Variants in FHIT observed in about 807,000 individuals in gnomAD.
FHIT encodes the protein bis(5'-adenosyl)-triphosphatase.
In FHIT, 19 loss-of-function variants were observed where a neutral mutation model predicts 17.9. The observed-to-expected ratio is 1.06, with a 90% CI of 0.74 to 1.56. The LOEUF is 1.56. Ranked by LOEUF, FHIT falls within the 40% of genes most tolerant of loss-of-function variation. The pLI is 0.00. For missense variants in FHIT, 248 were observed against 189.2 expected (o/e 1.31, Z -1.82); for synonymous variants, 81 against 69.7 (o/e 1.16, Z -0.81).
intron 3 of FHIT, among the ~76,000 whole-genome samples, chr3:60,945,666 T>A (rs1213335981): frequency 2.6e-5 from 4 of 152,166 alleles, no homozygotes; most frequent in Non-Finnish European, 5.9e-5. Flanking sequence ...TTACAGGGTT[T>A]ATACAGTTCA....
At chr3:60,202,170 T>C (rs1015729254) in intron 5 of FHIT, among the ~76,000 whole-genome samples, 9 of 152,230 alleles carry the variant, frequency 5.9e-5, no homozygotes, top group African/African-American at 2.2e-4. Context: ...AGTCAAGACT[T>C]CGTCACTAAT....
At chr3:60,133,149 A>G (rs1393418460) in intron 5 of FHIT, among the ~76,000 whole-genome samples, 1 of 152,098 alleles carries the variant, frequency 6.6e-6, no homozygotes, top group Non-Finnish European at 1.5e-5. Flanking sequence ...CGGCTCTTAA[A>G]ACCTTAGGCT....
At chr3:60,522,220 C>T (rs241665) in intron 5 of FHIT, among the ~76,000 whole-genome samples, 16,199 of 148,916 alleles carry the variant, frequency 0.11, 1,042 homozygotes, top group East Asian at 0.27. Context: ...AAGCAATTAT[C>T]GTGTCTCAGC....
intron 2 of FHIT, among the ~76,000 whole-genome samples, chr3:61,166,162 G>A (rs1472736203): frequency 6.8e-6 from 1 of 147,540 alleles, no homozygotes; most frequent in African/African-American, 2.4e-5. Flanking sequence ...TACTAACTTA[G>A]ATAGGTACAG....
chr3:60,022,568 A>T (rs765684737), intron 5 of FHIT, among the ~76,000 whole-genome samples: 2 of 152,194 alleles, frequency 1.3e-5, no homozygotes, highest in Non-Finnish European at 2.9e-5. Context: ...ATAGGTCAGC[A>T]GGGGCCTCTG....
At chr3:60,629,222 A>G (rs1443346891) in intron 4 of FHIT, among the ~76,000 whole-genome samples, 2 of 152,156 alleles carry the variant, frequency 1.3e-5, no homozygotes, top group Non-Finnish European at 2.9e-5. Flanking sequence ...AGGCAGCACC[A>G]TCTCTTTGGC....
At chr3:60,205,050 C>T (rs1703109043) in intron 5 of FHIT, among the ~76,000 whole-genome samples, 1 of 151,014 alleles carries the variant, frequency 6.6e-6, no homozygotes, top group East Asian at 2.0e-4. Context: ...GAGCCAATAT[C>T]GCGCCACTGC....
intron 3 of FHIT, among the ~76,000 whole-genome samples, chr3:60,861,173 C>CATATATATCATA (rs1326715427): frequency 1.7e-3 from 2 of 1,184 alleles, no homozygotes; most frequent in African/African-American, 2.8e-3. Flanking sequence ...ATCATATGTT[C>CATATATATCATA]TATGATATAT....
intron 5 of FHIT, among the ~76,000 whole-genome samples, chr3:60,420,667 C>G (rs1424566076): frequency 6.6e-6 from 1 of 152,098 alleles, no homozygotes; most frequent in Non-Finnish European, 1.5e-5. Context: ...CTCTGGCAAA[C>G]TGCTCATTCA....
At chr3:61,020,108 G>T (rs1364742814) in intron 3 of FHIT, among the ~76,000 whole-genome samples, 3 of 152,070 alleles carry the variant, frequency 2.0e-5, no homozygotes, top group Non-Finnish European at 4.4e-5. Flanking sequence ...TTGAGGAATT[G>T]CCACACAGTC....
chr3:60,439,366 C>A (rs973127682), intron 5 of FHIT, among the ~76,000 whole-genome samples: 1 of 152,122 alleles, frequency 6.6e-6, no homozygotes. Context: ...TTTCAATCAA[C>A]TGACAAACTA....
chr3:60,572,899 G>A (rs1559550364), intron 4 of FHIT, among the ~76,000 whole-genome samples: 1 of 152,146 alleles, frequency 6.6e-6, no homozygotes, highest in South Asian at 2.1e-4. Flanking sequence ...TCCCTGTACT[G>A]AGGCAACATG....
chr3:60,447,346 GT>G (rs1399326095), intron 5 of FHIT, among the ~76,000 whole-genome samples: 1 of 152,020 alleles, frequency 6.6e-6, no homozygotes, highest in Non-Finnish European at 1.5e-5. Context: ...AAGAAATAAT[GT>G]TTTTATTCTG....
At chr3:60,244,356 T>A (rs1040093386) in intron 5 of FHIT, among the ~76,000 whole-genome samples, 20 of 151,990 alleles carry the variant, frequency 1.3e-4, no homozygotes, top group Admixed American at 1.3e-3. Flanking sequence ...GTCACACAAT[T>A]GTCACTTTCT....
In FHIT at chr3:61,195,516, G is replaced by A. The variant is rs769337963; in HGVS notation, c.-164+5101C>T. On this transcript the variant is annotated intron_variant, in intron 2 of 9. Transcript: ENST00000492590. Reference sequence around the variant, plus strand: ...GTAATTACGGTAATGATAGGATATGGAACAGAAGTTCTCAAACCTGCTGAT... The same window carrying A: ...GTAATTACGGTAATGATAGGATATGAAACAGAAGTTCTCAAACCTGCTGAT... 2.0e-5 allele frequency among the ~76,000 whole-genome samples: 3 copies of A among 152,092 alleles called. No homozygotes were observed. In the South Asian group the frequency reaches 6.2e-4, roughly 32 times the overall value.
intron 5 of FHIT, among the ~76,000 whole-genome samples, chr3:60,459,420 A>C (rs1035917023): frequency 6.6e-6 from 1 of 152,228 alleles, no homozygotes; most frequent in Non-Finnish European, 1.5e-5. Context: ...GCCTGAGACT[A>C]AAATCTCATT....
chr3:60,561,110 A>G (rs982290605), intron 4 of FHIT, among the ~76,000 whole-genome samples: 8 of 151,980 alleles, frequency 5.3e-5, no homozygotes, highest in African/African-American at 1.9e-4. Context: ...GATTTTTTTA[A>G]TGTATCTTAG....
chr3:60,561,886 GAAAGA>G (rs1235100926), intron 4 of FHIT, among the ~76,000 whole-genome samples: 1 of 141,922 alleles, frequency 7.0e-6, no homozygotes, highest in East Asian at 2.0e-4. Context: ...TCTGGAAAAT[GAAAGA>G]AAAGAAAAAA....
At chr3:60,196,922 G>C (rs1288877722) in intron 5 of FHIT, among the ~76,000 whole-genome samples, 1 of 151,722 alleles carries the variant, frequency 6.6e-6, no homozygotes, top group Non-Finnish European at 1.5e-5. Context: ...CATGTACTGG[G>C]GACCACAGGT....
Sources: gnomAD v4.1 joint callset for allele counts (sites outside exome capture counted in the v4.1 genomes callset) on GRCh38, gnomAD v4.1.1 for gene constraint, MANE v1.5 for transcripts, NCBI Gene and HGNC (gene_info 2026-07-23, HGNC 2026-07-21) for gene names.